The following DAGLB variants were observed in gnomAD, a reference collection of about 807,000 sequenced individuals.
DAGLB encodes diacylglycerol lipase-beta.
Under a neutral mutation model 72.1 loss-of-function variants are expected in DAGLB, and 66 were observed. That is an observed-to-expected ratio of 0.92 (90% CI 0.75 to 1.12). The LOEUF is 1.12. DAGLB is among the 50% of genes most tolerant of loss of function. The probability of loss-of-function intolerance (pLI) is 0.00; values close to 1 mark genes in which losing one functional copy is unlikely to be tolerated. For synonymous variants in DAGLB, 414 were observed against 359.5 expected (o/e 1.15, Z -1.71); for missense variants, 1,065 against 884.9 (o/e 1.20, Z -2.58).
chr7:6,412,959 G>T lies in DAGLB; in HGVS notation c.1496+7C>A. On this transcript the variant is annotated splice_region_variant and intron_variant, in intron 12 of 14. Coordinates refer to ENST00000297056, the MANE Select transcript of DAGLB (RefSeq NM_139179.4). ...CCAGCCCTGGGCACAGCACCAGGTG[G>T]GCTTACCTGGGAATCACATCCTTCC... 6.2e-7 allele frequency: 1 copy of T among 1,613,870 alleles called. No individual in the cohort carries two copies. The highest frequency in any genetic ancestry group is 8.5e-7 in the Non-Finnish European group (1 of 1,179,894).
At chr7:6,427,607 A>G (rs1784353174) in intron 6 of DAGLB, among the ~76,000 whole-genome samples, 1 of 152,208 alleles carries the variant, frequency 6.6e-6, no homozygotes, top group African/African-American at 2.4e-5. Flanking sequence ...AAAAGATATT[A>G]GTAAAATCTC....
At chr7:6,442,031 G>A (rs72583273) in intron 2 of DAGLB, among the ~76,000 whole-genome samples, 12,027 of 152,048 alleles carry the variant, frequency 0.079, 1,117 homozygotes, top group East Asian at 0.5. Context: ...TCAGCCAGGA[G>A]AGCGACGATA....
chr7:6,409,533 T>C lies in DAGLB; in HGVS notation c.*304A>G, dbSNP rs1478600166. 9.3e-6 allele frequency: 4 copies of C among 431,608 alleles called. No homozygotes were observed. The highest frequency in any genetic ancestry group is 1.7e-5 in the Non-Finnish European group (4 of 236,756). The allele number at this position is 431,608 out of a possible 1,614,324, so 26.7% of individuals were successfully genotyped here. On this transcript the variant is annotated 3_prime_UTR_variant, in exon 15 of 15. Coordinates refer to ENST00000297056, the MANE Select transcript of DAGLB (RefSeq NM_139179.4). ...GGTGGGCCCTGGATTCCCGCACTTCTGGAGCAGTCCTCAGACAGCCAAGGG... is the reference window on the plus strand; with the variant it reads ...GGTGGGCCCTGGATTCCCGCACTTCCGGAGCAGTCCTCAGACAGCCAAGGG...
rs538724319 is a variant in DAGLB at position 6,410,092 on chromosome 7, C to A, written c.1820+38G>T. The stretch of plus-strand genomic sequence containing the variant: ...CGGCCCCAGGGCTGACCCCGCGCTG[C>A]TCCTGCCTGCCCACCACACCCACCA... On this transcript the variant is annotated intron_variant, in intron 14 of 14. Coordinates refer to ENST00000297056, the MANE Select transcript of DAGLB (RefSeq NM_139179.4). 4 of 1,581,992 alleles carry A rather than the reference C, an allele frequency of 2.5e-6. No homozygotes were observed. In the Admixed American group the frequency reaches 6.9e-5, roughly 27 times the overall value.
At chr7:6,428,073 G>A (rs1403257436) in intron 6 of DAGLB, among the ~76,000 whole-genome samples, 2 of 152,102 alleles carry the variant, frequency 1.3e-5, no homozygotes, top group East Asian at 3.9e-4. Context: ...TTGGCCAGGT[G>A]CGGTGGCTCA....
At chr7:6,430,943 T>G (rs973651006) in intron 5 of DAGLB, among the ~76,000 whole-genome samples, 2 of 151,954 alleles carry the variant, frequency 1.3e-5, no homozygotes, top group African/African-American at 4.8e-5. Context: ...ACCCGGCTAA[T>G]TTTTGTATTT....
intron 9 of DAGLB, among the ~76,000 whole-genome samples, chr7:6,419,243 A>C (rs1483705388): frequency 1.3e-5 from 2 of 151,726 alleles, no homozygotes; most frequent in African/African-American, 4.8e-5. Context: ...GCTGGTCTCA[A>C]ACTCCTGACC....
Position 6,409,941 on chromosome 7 carries a change from G to A in DAGLB, c.1915C>T (p.His639Tyr), listed in dbSNP as rs920112691. The A allele has an allele frequency of 1.9e-6, 3 of 1,614,024 alleles. No individual in the cohort carries two copies. The highest frequency in any genetic ancestry group is 4.5e-5 in the East Asian group (2 of 44,894). Residue 639 changes from histidine to tyrosine, a missense_variant, in exon 15 of 15, where the codon CAC becomes TAC. Transcript: ENST00000297056. ...GCCCGCATCAGGATGTCTGGCATGTGGTCGGTGAGCATCTTCGGACCTATG... is the reference window on the plus strand; with the variant it reads ...GCCCGCATCAGGATGTCTGGCATGTAGTCGGTGAGCATCTTCGGACCTATG... ...ILIGPKMLTD[H>Y]MPDILMRALD...
At chr7:6,433,014 G>T in intron 4 of DAGLB, 55 bp from the exon 5 acceptor site, 1 of 1,582,296 alleles carries the variant, frequency 6.3e-7, no homozygotes, top group Non-Finnish European at 8.6e-7. Context: ...CCACCCCCGG[G>T]TTCCCTAAAA....
intron 7 of DAGLB, among the ~76,000 whole-genome samples, chr7:6,425,674 A>G (rs561780130): frequency 7.6e-4 from 116 of 152,306 alleles, no homozygotes; most frequent in African/African-American, 2.5e-3. Context: ...GGACGACGAT[A>G]CGAATCCCAG....
chr7:6,416,486 T>G (rs1783920668), intron 11 of DAGLB, 141 bp downstream of exon 11: 1 of 1,273,768 alleles, frequency 7.9e-7, no homozygotes, highest in African/African-American at 1.5e-5. Flanking sequence ...GAGCTTGCAG[T>G]GAGCCGAGAT....
chr7:6,416,581 T>C (rs771910789), intron 11 of DAGLB, 46 bp downstream of exon 11: 4 of 1,551,674 alleles, frequency 2.6e-6, no homozygotes, highest in Non-Finnish European at 3.5e-6. Flanking sequence ...CTTGACCACA[T>C]GACTTGTAAG....
intron 8 of DAGLB, 54 bp downstream of exon 8, chr7:6,424,698 G>A (rs1188844503): frequency 6.4e-7 from 1 of 1,566,918 alleles, no homozygotes; most frequent in Non-Finnish European, 8.8e-7. Flanking sequence ...AGCAGCTGTG[G>A]GCTCCCGCTC....
At chr7:6,411,481 G>C (rs1199030051) in intron 13 of DAGLB, among the ~76,000 whole-genome samples, 1 of 152,178 alleles carries the variant, frequency 6.6e-6, no homozygotes, top group Non-Finnish European at 1.5e-5. Context: ...AATTAGCCAG[G>C]TGTGTTGGCG....
chr7:6,446,781 G>A (rs1163419330), intron 1 of DAGLB, among the ~76,000 whole-genome samples: 2 of 152,096 alleles, frequency 1.3e-5, no homozygotes, highest in Non-Finnish European at 2.9e-5. Context: ...GGCCAAGGCA[G>A]GAGGATCACT....
chr7:6,441,999 C>G (rs575925312), intron 2 of DAGLB, among the ~76,000 whole-genome samples: 1 of 152,030 alleles, frequency 6.6e-6, no homozygotes, highest in South Asian at 2.1e-4. Flanking sequence ...GCTTGCCCTG[C>G]GCTGTGAGTG....
At chr7:6,437,111 G>A (rs987714784) in intron 2 of DAGLB, among the ~76,000 whole-genome samples, 97 of 149,666 alleles carry the variant, frequency 6.5e-4, no homozygotes, top group African/African-American at 2.0e-3. Flanking sequence ...CTGAGATTGC[G>A]CCACTGCACT....
Position 6,426,089 on chromosome 7 carries a change from CAT to C in DAGLB, c.953_954del (p.Tyr318Ter). 6.2e-7 allele frequency: 1 copy of C among 1,613,876 alleles called. No individual in the cohort carries two copies. The highest frequency in any genetic ancestry group is 1.1e-5 in the South Asian group (1 of 91,056). ...GDCCRSRTTD[Y>X]DLVGGDQLNC... ...TTGAGCTGATCGCCTCCGACCAAGT[CAT>C]AGTCTGTGGTTCTGCTTCTGCAGCT... is the stretch of plus-strand genomic sequence containing the variant. On this transcript the variant is annotated frameshift_variant, in exon 7 of 15. Coordinates refer to ENST00000297056, the MANE Select transcript of DAGLB (RefSeq NM_139179.4). LOFTEE classifies it high-confidence loss of function.
chr7:6,412,933 C>A (rs1007875741), intron 12 of DAGLB, 33 bp downstream of exon 12: 4 of 1,613,304 alleles, frequency 2.5e-6, no homozygotes, highest in Non-Finnish European at 3.4e-6. Context: ...CTCCCAACCC[C>A]CCAGCCCTGG....
Sources: gnomAD v4.1 joint callset for allele counts (sites outside exome capture counted in the v4.1 genomes callset) on GRCh38, gnomAD v4.1.1 for gene constraint, MANE v1.5 for transcripts, NCBI Gene and HGNC (gene_info 2026-07-23, HGNC 2026-07-21) for gene names.